The following VANGL1 variants were observed in gnomAD, a reference collection of about 807,000 sequenced individuals.
The protein encoded by VANGL1 is VANGL planar cell polarity protein 1.
In VANGL1, 18 loss-of-function variants were observed where a neutral mutation model predicts 48.4. The ratio of observed to expected loss-of-function variants is 0.37; its 90% CI spans 0.26 to 0.55. The LOEUF (loss-of-function observed/expected upper bound fraction) is 0.55. Among genes scored for constraint, VANGL1 ranks in the 20% least tolerant of loss-of-function variants. VANGL1 has a pLI of 0.81. For missense variants in VANGL1, 667 were observed against 675.8 expected, an observed-to-expected ratio of 0.99 and a Z score of 0.14; for synonymous variants, 257 against 261.8, an observed-to-expected ratio of 0.98 and a Z score of 0.18.
intron 4 of VANGL1, among the ~76,000 whole-genome samples, chr1:115,676,442 C>T (rs146851951): frequency 1.3e-3 from 200 of 152,256 alleles, no homozygotes; most frequent in African/African-American, 4.7e-3. Context: ...TTGGTACAGG[C>T]GCACCTGGGA....
chr1:115,660,794 A>G (rs1359764154), intron 3 of VANGL1, among the ~76,000 whole-genome samples: 1 of 152,220 alleles, frequency 6.6e-6, no homozygotes, highest in Non-Finnish European at 1.5e-5. Context: ...GGAATTCCTC[A>G]GAGTACACAA....
intron 2 of VANGL1, among the ~76,000 whole-genome samples, chr1:115,655,825 G>A (rs570054518): frequency 6.6e-6 from 1 of 152,156 alleles, no homozygotes; most frequent in African/African-American, 2.4e-5. Context: ...TGGAACTACA[G>A]GGATGAGCAT....
chr1:115,665,560 A>G (rs1030206834), intron 4 of VANGL1, among the ~76,000 whole-genome samples: 3 of 152,138 alleles, frequency 2.0e-5, no homozygotes, highest in Admixed American at 6.5e-5. Flanking sequence ...AACCATCTTC[A>G]TGTTGGTGTG....
At chr1:115,682,831 A>G (rs1278990383) in intron 5 of VANGL1, among the ~76,000 whole-genome samples, 1 of 152,214 alleles carries the variant, frequency 6.6e-6, no homozygotes, top group Non-Finnish European at 1.5e-5. Context: ...CCACAAACTC[A>G]GAAAGCTACC....
intron 2 of VANGL1, among the ~76,000 whole-genome samples, chr1:115,655,573 G>A (rs1222920114): frequency 1.3e-5 from 2 of 152,150 alleles, no homozygotes; most frequent in East Asian, 1.9e-4. Context: ...AAAAACTCTC[G>A]TAGCTGACAC....
At chr1:115,673,430 G>A (rs186120925) in intron 4 of VANGL1, among the ~76,000 whole-genome samples, 2 of 152,124 alleles carry the variant, frequency 1.3e-5, no homozygotes, top group East Asian at 3.9e-4. Context: ...CTAGGTGTTG[G>A]CACAGCTGTG....
In VANGL1 at chr1:115,661,296, T is replaced by G. The variant is rs192655309; in HGVS notation, c.204+1523T>G. 1.7e-4 allele frequency among the ~76,000 whole-genome samples: 26 copies of G among 152,274 alleles called. No homozygotes were observed. The East Asian group carries it at 5.0e-3, about 29-fold the overall frequency. On this transcript the variant is annotated intron_variant, in intron 3 of 7. Coordinates refer to ENST00000355485, the MANE Select transcript of VANGL1 (RefSeq NM_138959.3). ...TATCTACATGTTTTAGGCATACATG[T>G]GCACCCCAGGAAATTCTCTCATGCC...
At chr1:115,683,201 C>T (rs1353023994) in intron 5 of VANGL1, among the ~76,000 whole-genome samples, 1 of 152,094 alleles carries the variant, frequency 6.6e-6, no homozygotes, top group African/African-American at 2.4e-5. Flanking sequence ...CCTCACGAAG[C>T]CTGAAGGATT....
intron 4 of VANGL1, among the ~76,000 whole-genome samples, chr1:115,677,329 CG>C (rs1653206356): frequency 6.6e-6 from 1 of 152,214 alleles, no homozygotes; most frequent in South Asian, 2.1e-4. Context: ...GAAGTGCTTT[CG>C]TGGTTGATTA....
intron 4 of VANGL1, among the ~76,000 whole-genome samples, chr1:115,676,151 T>G (rs757879035): frequency 6.6e-6 from 1 of 152,100 alleles, no homozygotes; most frequent in Non-Finnish European, 1.5e-5. Context: ...TATCTCTTTA[T>G]CAAAAGCCAA....
At chr1:115,651,145 G>A (rs1371202862) in intron 1 of VANGL1, 132 bp from the exon 2 acceptor site, 12 of 466,226 alleles carry the variant, frequency 2.6e-5, no homozygotes, top group Non-Finnish European at 3.5e-5. Context: ...TTACAGTTCA[G>A]TTGCTTCACC....
At chr1:115,672,922 G>A (rs1185353949) in intron 4 of VANGL1, among the ~76,000 whole-genome samples, 1 of 152,188 alleles carries the variant, frequency 6.6e-6, no homozygotes, top group Non-Finnish European at 1.5e-5. Flanking sequence ...AGTGTGGGGA[G>A]CAGTGAAGCC....
chr1:115,651,966 A>G (rs1652166495), intron 2 of VANGL1, among the ~76,000 whole-genome samples: 1 of 152,176 alleles, frequency 6.6e-6, no homozygotes, highest in South Asian at 2.1e-4. Flanking sequence ...CTTGTTGGCC[A>G]GGATGGTCTC....
rs1383992285 is a variant in VANGL1, at chr1:115,683,949, A to G, written c.952A>G (p.Ser318Gly). The G allele has an allele frequency of 6.2e-7, 1 of 1,613,444 alleles. No individual in the cohort carries two copies. Among genetic ancestry groups the G allele is most frequent in the South Asian group, 1.1e-5 (1 of 91,056 alleles). The change falls in exon 6 of 8, where the codon AGT becomes GGT. Residue 318 changes from serine to glycine, a missense_variant. Coordinates refer to ENST00000355485, the MANE Select transcript of VANGL1 (RefSeq NM_138959.3). ...GLKVYNVDGP[S>G]NNATGQSRAM... is the part of the protein sequence containing the mutation. ...TCACTGTCCTTTCCCCAAAGGCCCC[A>G]GTAACAATGCCACTGGCCAGTCCCG... is the stretch of plus-strand genomic sequence containing the variant.
intron 3 of VANGL1, among the ~76,000 whole-genome samples, chr1:115,661,657 G>A (rs188763391): frequency 4.6e-5 from 7 of 151,918 alleles, no homozygotes; most frequent in Admixed American, 6.6e-5. Flanking sequence ...TTGTTCTGTC[G>A]CCCAGGCTGG....
At chr1:115,680,559 C>T (rs756316597) in intron 4 of VANGL1, among the ~76,000 whole-genome samples, 1 of 152,216 alleles carries the variant, frequency 6.6e-6, no homozygotes, top group South Asian at 2.1e-4. Flanking sequence ...TGTTCCCCAG[C>T]CTCACATGAC....
chr1:115,652,218 G>A (rs1417472977), intron 2 of VANGL1, among the ~76,000 whole-genome samples: 1 of 152,110 alleles, frequency 6.6e-6, no homozygotes, highest in Admixed American at 6.5e-5. Context: ...AACAAGTTTG[G>A]GTTTTGAAAA....
At chr1:115,687,938 G>GTAAA (rs1553190224) in intron 7 of VANGL1, among the ~76,000 whole-genome samples, 4 of 112,650 alleles carry the variant, frequency 3.6e-5, no homozygotes, top group Non-Finnish European at 7.3e-5. Flanking sequence ...CATTCATTAG[G>GTAAA]TAGATAGATA....
intron 7 of VANGL1, among the ~76,000 whole-genome samples, chr1:115,686,794 A>G (rs1653652665): frequency 6.6e-6 from 1 of 152,196 alleles, no homozygotes; most frequent in South Asian, 2.1e-4. Flanking sequence ...TGGCCTCTTC[A>G]TATGACAGGT....
Sources: allele counts gnomAD v4.1 joint callset (sites outside exome capture counted in the v4.1 genomes callset), GRCh38; gene constraint gnomAD v4.1.1; transcripts MANE v1.5; gene names NCBI Gene and HGNC (gene_info 2026-07-23, HGNC 2026-07-21).